Variants in PRICKLE2 observed in about 807,000 individuals in gnomAD.
PRICKLE2 encodes prickle planar cell polarity protein 2, also known as prickle-like protein 2.
Under a neutral mutation model 81.4 loss-of-function variants are expected in PRICKLE2, and 21 were observed. That is an observed-to-expected ratio of 0.26 (90% CI 0.18 to 0.37). The LOEUF (loss-of-function observed/expected upper bound fraction) is 0.37, where lower values mean the gene tolerates loss of function less well. Ranked by LOEUF, PRICKLE2 falls within the 10% of genes least tolerant of loss-of-function variation. The pLI is 1.00. For missense variants in PRICKLE2, 940 were observed against 1,109.0 expected (o/e 0.85, Z 2.16); for synonymous variants, 456 against 421.5 (o/e 1.08, Z -1.00).
In PRICKLE2 at chr3:64,157,225, C is replaced by T; in HGVS notation, c.537G>A (p.Gly179=). 1 of 1,614,246 alleles carries T rather than the reference C, an allele frequency of 6.2e-7. No homozygotes were observed. The highest frequency in any genetic ancestry group is 8.5e-7 in the Non-Finnish European group (1 of 1,180,042). The change falls in exon 5 of 8, where the codon GGG becomes GGA. Residue 179 remains glycine (G), a synonymous_variant. Transcript: ENST00000638394. The part of the protein sequence containing the change: ...LVDLIYFYQD[G]KIYCGRHHAE... The stretch of plus-strand genomic sequence containing the variant: ...CATGGTGCCTGCCACAGTATATCTT[C>T]CCATCTTGGTAAAAGTAGATCAGAT...
intron 2 of PRICKLE2, among the ~76,000 whole-genome samples, chr3:64,169,337 T>A (rs1011353905): frequency 1.3e-5 from 2 of 152,144 alleles, no homozygotes; most frequent in Non-Finnish European, 2.9e-5. Context: ...CTTCAAAAAA[T>A]TTTTAAAATT....
At chr3:64,163,285 G>A (rs1017522610) in intron 2 of PRICKLE2, 156 bp from the exon 3 acceptor site, 3 of 684,598 alleles carry the variant, frequency 4.4e-6, no homozygotes, top group South Asian at 1.5e-5. Flanking sequence ...CCTATGGTAA[G>A]CAGAGAAATT....
chr3:64,179,019 CTTTCTTTCTTTCTTTCT>C (rs2078078483), intron 2 of PRICKLE2, among the ~76,000 whole-genome samples: 2 of 132,238 alleles, frequency 1.5e-5, no homozygotes, highest in East Asian at 2.3e-4. Flanking sequence ...TTCTTTCTTT[CTTTCTTTCTTTCTTTCT>C]TTTCTTTCCT....
At position 64,215,683 on chromosome 3, in the gene PRICKLE2, T is replaced by C. The variant is rs193143676; in HGVS notation, c.-41+9227A>G. The stretch of plus-strand genomic sequence containing the variant: ...GAATGTGATTCAACTACATGACGAG[T>C]AGTGTTTGGCCAAGATCACATTAAA... On this transcript the variant is annotated intron_variant, in intron 1 of 7. Transcript: ENST00000638394. 4.6e-5 allele frequency among the ~76,000 whole-genome samples: 7 copies of C among 152,150 alleles called. No individual in the cohort carries two copies. The East Asian group carries it at 1.4e-3, about 29-fold the overall frequency.
At chr3:64,142,000 A>C in intron 7 of PRICKLE2, 1 of 946,608 alleles carries the variant, frequency 1.1e-6, no homozygotes, top group South Asian at 4.9e-5. Context: ...TTAAAAAAAA[A>C]ACTACTGAAT....
chr3:64,116,041 T>G (rs1104152), intron 7 of PRICKLE2, among the ~76,000 whole-genome samples: 114,624 of 152,102 alleles, frequency 0.75, 44,120 homozygotes, highest in South Asian at 0.86. Flanking sequence ...GACTAAGAAA[T>G]TCACTCAAAA....
chr3:64,190,576 G>A (rs1284565270), intron 2 of PRICKLE2, among the ~76,000 whole-genome samples: 1 of 152,130 alleles, frequency 6.6e-6, no homozygotes, highest in Non-Finnish European at 1.5e-5. Context: ...CCTTAAATAG[G>A]TGAATGAGTG....
At chr3:64,254,758 T>C (rs1342175331) in intron 2 of PRICKLE2, among the ~76,000 whole-genome samples, 1 of 152,220 alleles carries the variant, frequency 6.6e-6, no homozygotes, top group African/African-American at 2.4e-5. Flanking sequence ...TTGACAAGGT[T>C]ATCATAGCTT....
At chr3:64,138,292 C>G (rs970782482) in intron 7 of PRICKLE2, among the ~76,000 whole-genome samples, 14 of 152,210 alleles carry the variant, frequency 9.2e-5, no homozygotes, top group African/African-American at 3.4e-4. Context: ...TGACTCAGGT[C>G]TGACATACCA....
rs10690677 is a variant in PRICKLE2 at position 64,177,125 on chromosome 3, C to CTTTTT, written c.145-14001_145-13997dup. Among the ~76,000 whole-genome samples the CTTTTT allele has an allele frequency of 5.9e-4, 42 of 70,854 alleles. 2 individuals carry two copies. Among genetic ancestry groups the CTTTTT allele is most frequent in the Non-Finnish European group, 6.1e-4 (26 of 42,894 alleles). The allele number at this position is 70,854 out of a possible 152,430, so 46.5% of individuals were successfully genotyped here. A position where few individuals can be genotyped will look rare whatever the true frequency, so the allele number is the denominator to read the frequency against. On this transcript the variant is annotated intron_variant, in intron 2 of 7. Transcript: ENST00000638394. ...ACATTACAAGATTTGCCATTTTAAC[C>CTTTTT]TTTTTTTTTTTTTTTTTTTTTTTTT... is the stretch of plus-strand genomic sequence containing the variant.
intron 7 of PRICKLE2, among the ~76,000 whole-genome samples, chr3:64,127,785 A>C (rs570045219): frequency 6.6e-6 from 1 of 151,966 alleles, no homozygotes; most frequent in East Asian, 2.0e-4. Context: ...CCGATGCTCA[A>C]GATAACCTGT....
chr3:64,165,795 C>G (rs1271822631), intron 2 of PRICKLE2, among the ~76,000 whole-genome samples: 1 of 152,146 alleles, frequency 6.6e-6, no homozygotes, highest in Non-Finnish European at 1.5e-5. Context: ...GGGTGTGAGC[C>G]ACCCCATCAG....
rs62249915 is a variant in PRICKLE2 at position 64,133,268 on chromosome 3, C to T, written c.1660+13562G>A. Among the ~76,000 whole-genome samples the T allele has an allele frequency of 4.0e-3, 611 of 152,234 alleles. 4 individuals are homozygous for T. The highest frequency in any genetic ancestry group is 5.5e-3 in the Non-Finnish European group (373 of 68,012). On this transcript the variant is annotated intron_variant, in intron 7 of 7. Coordinates refer to ENST00000638394, the MANE Select transcript of PRICKLE2 (RefSeq NM_198859.4). The stretch of plus-strand genomic sequence containing the variant: ...GGGTGACAGAGGACCTGGACATGTA[C>T]GGCTCATGGTTCACTCAGGGATGCT...
At chr3:64,171,399 T>C (rs1443568779) in intron 2 of PRICKLE2, among the ~76,000 whole-genome samples, 2 of 152,140 alleles carry the variant, frequency 1.3e-5, no homozygotes, top group Non-Finnish European at 2.9e-5. Flanking sequence ...CTTCCTACAA[T>C]ACATGGGTCA....
chr3:64,203,127 G>C (rs2078618648), intron 1 of PRICKLE2, among the ~76,000 whole-genome samples: 1 of 152,124 alleles, frequency 6.6e-6, no homozygotes, highest in Non-Finnish European at 1.5e-5. Context: ...ATTTTGGCTT[G>C]TCAGATTCCC....
In PRICKLE2 at chr3:64,098,950, C is replaced by CA; in HGVS notation, c.*100dup. 7.0e-7 allele frequency: 1 copy of CA among 1,426,014 alleles called. No homozygotes were observed. Among genetic ancestry groups the CA allele is most frequent in the South Asian group, 1.2e-5 (1 of 86,460 alleles). The allele number at this position is 1,426,014 out of a possible 1,614,324, so 88.3% of individuals were successfully genotyped here. A position where few individuals can be genotyped will look rare whatever the true frequency, so the allele number is the denominator to read the frequency against. ...TGACAGCATTTTCCCTTTTCTCCCC[C>CA]ATAAGCCACCCCCAAAAGCGCTTTA... On this transcript the variant is annotated 3_prime_UTR_variant, in exon 8 of 8. Coordinates refer to ENST00000638394, the MANE Select transcript of PRICKLE2 (RefSeq NM_198859.4).
chr3:64,211,675 G>T (rs1433084801), intron 1 of PRICKLE2, among the ~76,000 whole-genome samples: 2 of 152,158 alleles, frequency 1.3e-5, no homozygotes, highest in Non-Finnish European at 2.9e-5. Flanking sequence ...ATCTAACCTT[G>T]CAATTTTACA....
At chr3:64,117,668 A>G (rs2076958218) in intron 7 of PRICKLE2, among the ~76,000 whole-genome samples, 1 of 152,216 alleles carries the variant, frequency 6.6e-6, no homozygotes, top group South Asian at 2.1e-4. Context: ...CTCTACATGG[A>G]GAACTTCAAA....
At chr3:64,154,062 T>C (rs1024253495) in intron 5 of PRICKLE2, 5 of 153,132 alleles carry the variant, frequency 3.3e-5, no homozygotes, top group African/African-American at 1.2e-4. Flanking sequence ...GGCATAAGGC[T>C]GGGCATATAG....
Sources: gnomAD v4.1 joint callset for allele counts (sites outside exome capture counted in the v4.1 genomes callset) on GRCh38, gnomAD v4.1.1 for gene constraint, MANE v1.5 for transcripts, NCBI Gene and HGNC (gene_info 2026-07-23, HGNC 2026-07-21) for gene names.